GPHN: variants seen among roughly 807,000 people sequenced by gnomAD.
The protein encoded by GPHN is gephyrin.
A neutral mutation model predicts 95.5 loss-of-function variants in GPHN; 17 were observed. That is an observed-to-expected ratio of 0.18 (90% CI 0.12 to 0.27). The LOEUF is 0.27. Ranked by LOEUF, GPHN falls within the 10% of genes least tolerant of loss-of-function variation. GPHN has a pLI of 1.00. For synonymous variants in GPHN, 320 were observed against 322.5 expected (o/e 0.99, Z 0.08); for missense variants, 660 against 978.1 (o/e 0.67, Z 4.34).
the GPHN span, among the ~76,000 whole-genome samples, chr14:67,306,880 T>C: frequency 6.6e-6 from 1 of 152,212 alleles, no homozygotes; most frequent in Non-Finnish European, 1.5e-5. Flanking sequence ...AACCAATTTA[T>C]TGAGTATCAT....
At chr14:67,485,935 C>T in the GPHN span, among the ~76,000 whole-genome samples, 3 of 152,226 alleles carry the variant, frequency 2.0e-5, no homozygotes, top group Non-Finnish European at 4.4e-5. Flanking sequence ...CCCCCCACCT[C>T]CCAGGGCCCT....
At chr14:67,598,357 T>C in the GPHN span, among the ~76,000 whole-genome samples, 2 of 152,102 alleles carry the variant, frequency 1.3e-5, no homozygotes, top group African/African-American at 4.8e-5. Context: ...GGCTTTTGTT[T>C]TTAAATTTTG....
intron 14 of GPHN, 113 bp downstream of exon 14, chr14:67,110,372 T>A: frequency 1.8e-6 from 2 of 1,126,204 alleles, no homozygotes; most frequent in South Asian, 2.5e-5. Context: ...TTTAGTTTTG[T>A]TTTGTTTTTG....
At chr14:66,959,206 A>G (rs2068733259) in intron 8 of GPHN, among the ~76,000 whole-genome samples, 1 of 152,074 alleles carries the variant, frequency 6.6e-6, no homozygotes, top group Admixed American at 6.6e-5. Context: ...TTTTAATTAT[A>G]TGGGGCAGAA....
chr14:67,155,359 A>G (rs912007530), intron 18 of GPHN, among the ~76,000 whole-genome samples: 3 of 152,320 alleles, frequency 2.0e-5, no homozygotes, highest in African/African-American at 7.2e-5. Flanking sequence ...CAATTTTTTC[A>G]TACCTGATAT....
the GPHN span, among the ~76,000 whole-genome samples, chr14:67,496,344 T>C: frequency 0.88 from 132,161 of 149,378 alleles, 59,240 homozygotes; most frequent in Non-Finnish European, 0.95. Context: ...CCACCCATCT[T>C]GGCCTCCCAA....
intron 2 of GPHN, among the ~76,000 whole-genome samples, chr14:66,757,208 A>G (rs975160424): frequency 1.3e-5 from 2 of 152,214 alleles, no homozygotes; most frequent in African/African-American, 4.8e-5. Context: ...TAAAGTTGAT[A>G]CAATCTCCAA....
In GPHN at chr14:66,561,935, A is replaced by T. The variant is rs368339772; in HGVS notation, c.64+53344A>T. On this transcript the variant is annotated intron_variant, in intron 1 of 22. Coordinates refer to ENST00000478722, the MANE Select transcript of GPHN (RefSeq NM_020806.5). ...AGAGGCTGCCTGCATACCTTAGCTC[A>T]TGGCCTCTTTTCTTCCTTCTTCAAA... Among the ~76,000 whole-genome samples the T allele has an allele frequency of 3.4e-5, 5 of 149,194 alleles. No individual in the cohort carries two copies. The East Asian group carries it at 9.7e-4, about 29-fold the overall frequency.
At chr14:67,388,430 C>T in the GPHN span, 1 of 684,642 alleles carries the variant, frequency 1.5e-6, no homozygotes. Context: ...TGAAGCTGAA[C>T]TTGGACATCA....
At chr14:67,099,574 A>T (rs2077582754) in intron 12 of GPHN, among the ~76,000 whole-genome samples, 1 of 151,808 alleles carries the variant, frequency 6.6e-6, no homozygotes. Context: ...GAAAGGCAAG[A>T]GTTTATTAAC....
the GPHN span, among the ~76,000 whole-genome samples, chr14:67,532,850 G>C: frequency 6.6e-6 from 1 of 152,212 alleles, no homozygotes; most frequent in Admixed American, 6.5e-5. Context: ...TGGAACCTTT[G>C]GCGGAGACGG....
chr14:67,690,976 C>G, the GPHN span: 1 of 636,430 alleles, frequency 1.6e-6, no homozygotes, highest in South Asian at 2.0e-5. Flanking sequence ...TGGAGCAGCC[C>G]TCAGGTATTC....
At chr14:66,795,106 A>T (rs1780994890) in intron 3 of GPHN, among the ~76,000 whole-genome samples, 1 of 152,168 alleles carries the variant, frequency 6.6e-6, no homozygotes, top group African/African-American at 2.4e-5. Context: ...ATAAATAGAT[A>T]GACAGATAGA....
the GPHN span, among the ~76,000 whole-genome samples, chr14:67,424,216 G>C: frequency 9.2e-5 from 14 of 151,452 alleles, no homozygotes; most frequent in South Asian, 2.9e-3. Context: ...CTCCAGCCTG[G>C]GCAACAAGAG....
chr14:66,754,061 A>G (rs549602175), intron 2 of GPHN, among the ~76,000 whole-genome samples: 1 of 152,082 alleles, frequency 6.6e-6, no homozygotes, highest in African/African-American at 2.4e-5. Context: ...TTATTTCTGG[A>G]TAGTAATCCA....
chr14:67,152,429 A>T (rs2081334866), intron 18 of GPHN, among the ~76,000 whole-genome samples: 1 of 152,094 alleles, frequency 6.6e-6, no homozygotes, highest in African/African-American at 2.4e-5. Flanking sequence ...TCTCATAAAT[A>T]TATAAAATGA....
the GPHN span, chr14:67,659,643 T>C: frequency 7.5e-7 from 1 of 1,336,780 alleles, no homozygotes; most frequent in Non-Finnish European, 1.0e-6. Context: ...TATACACTGA[T>C]AACATGAAAT....
At chr14:67,719,127 T>C in the GPHN span, among the ~76,000 whole-genome samples, 1 of 152,208 alleles carries the variant, frequency 6.6e-6, no homozygotes, top group South Asian at 2.1e-4. Flanking sequence ...TCCTTTTCCA[T>C]TGGAGGGTAC....
chr14:67,687,916 C>T, the GPHN span, among the ~76,000 whole-genome samples: 20 of 152,058 alleles, frequency 1.3e-4, no homozygotes, highest in East Asian at 5.8e-4. Flanking sequence ...GGATTACAGG[C>T]GCCCGCCACC....
Sources: gnomAD v4.1 joint callset for allele counts (sites outside exome capture counted in the v4.1 genomes callset) on GRCh38, gnomAD v4.1.1 for gene constraint, MANE v1.5 for transcripts, NCBI Gene and HGNC (gene_info 2026-07-23, HGNC 2026-07-21) for gene names.